Variants in ADCY7 observed in about 807,000 individuals in gnomAD.
ADCY7 encodes the protein adenylate cyclase type 7.
In ADCY7, 72 loss-of-function variants were observed where a neutral mutation model predicts 120.6. That is an observed-to-expected ratio of 0.60 (90% CI 0.49 to 0.73). The LOEUF (loss-of-function observed/expected upper bound fraction) is 0.73, where lower values mean the gene tolerates loss of function less well. ADCY7 is among the 30% of genes least tolerant of loss of function. The probability of loss-of-function intolerance (pLI) is 0.00; values close to 1 mark genes in which losing one functional copy is unlikely to be tolerated. For synonymous variants in ADCY7, 661 were observed against 628.0 expected (o/e 1.05, Z -0.78); for missense variants, 1,227 against 1,486.0 (o/e 0.83, Z 2.87).
chr16:50,268,396 C>T (rs948076567), intron 1 of ADCY7, among the ~76,000 whole-genome samples: 18 of 152,128 alleles, frequency 1.2e-4, no homozygotes, highest in African/African-American at 4.1e-4. Flanking sequence ...TGAGCCACCA[C>T]CCCCAGCCTC....
chr16:50,303,084 C>T (rs2035837793), intron 10 of ADCY7, among the ~76,000 whole-genome samples: 1 of 152,198 alleles, frequency 6.6e-6, no homozygotes, highest in African/African-American at 2.4e-5. Flanking sequence ...TTATTTGTTT[C>T]TCAGGGGGCT....
rs557798839 is a variant in ADCY7, at chr16:50,280,530, G to A, written c.-268-7382G>A. On this transcript the variant is annotated intron_variant, in intron 1 of 25. Transcript: ENST00000673801. ...CTTCTCTAGTTCTTTCAGTTGTGAAGTTAGGTTGTTAATTTGAGATCTTTC... is the reference window on the plus strand; with the variant it reads ...CTTCTCTAGTTCTTTCAGTTGTGAAATTAGGTTGTTAATTTGAGATCTTTC... Among the ~76,000 whole-genome samples, 8 of 152,244 alleles carry A rather than the reference G, an allele frequency of 5.3e-5. No homozygotes were observed. In the East Asian group the frequency reaches 7.7e-4, roughly 15 times the overall value.
Position 50,311,816 on chromosome 16 carries a change from AAGCTCTGC to A in ADCY7, c.2448+31_2448+38del. ...GGAGGCTGGCCCCCCCCCCCCCCCC[AAGCTCTGC>A]CCACTTTTCCTCACCTCCATCTGGA... On this transcript the variant is annotated intron_variant, in intron 20 of 25. Coordinates refer to ENST00000673801, the MANE Select transcript of ADCY7 (RefSeq NM_001114.5). The A allele has an allele frequency of 3.5e-6, 4 of 1,137,278 alleles. No individual in the cohort carries two copies. The East Asian group carries it at 1.3e-4, about 38-fold the overall frequency. 70.4% of individuals were successfully genotyped at this position (1,137,278 alleles called of 1,614,324 possible).
chr16:50,254,597 A>G (rs991209041), intron 1 of ADCY7, among the ~76,000 whole-genome samples: 2 of 152,240 alleles, frequency 1.3e-5, no homozygotes, highest in Admixed American at 6.5e-5. Context: ...GCTGAAATCT[A>G]TAAAACAATG....
chr16:50,266,837 C>A (rs1413036844), intron 1 of ADCY7, among the ~76,000 whole-genome samples, 157 bp downstream of exon 1: 1 of 151,984 alleles, frequency 6.6e-6, no homozygotes, highest in African/African-American at 2.4e-5. Flanking sequence ...GCTCCGTGAG[C>A]CTACTGGGCA....
Position 50,311,798 on chromosome 16 carries a change from G to GGCC in ADCY7, c.2448+13_2448+15dup, listed in dbSNP as rs1555525891. The stretch of plus-strand genomic sequence containing the variant: ...CACTCTCCAGACAGGTAAGGAGGCT[G>GGCC]GCCCCCCCCCCCCCCCCAAGCTCTG... On this transcript the variant is annotated intron_variant, in intron 20 of 25. Transcript: ENST00000673801. 7.5e-7 allele frequency: 1 copy of GGCC among 1,331,294 alleles called. No homozygotes were observed. The highest frequency in any genetic ancestry group is 2.7e-5 in the East Asian group (1 of 36,556). The allele number at this position is 1,331,294 out of a possible 1,614,324, so 82.5% of individuals were successfully genotyped here.
chr16:50,253,403 C>G (rs2032816680), intron 1 of ADCY7, among the ~76,000 whole-genome samples: 1 of 152,166 alleles, frequency 6.6e-6, no homozygotes, highest in African/African-American at 2.4e-5. Context: ...AGATGTGTGC[C>G]ACCATGCCCG....
chr16:50,283,110 A>T (rs1405257357), intron 1 of ADCY7, among the ~76,000 whole-genome samples: 1 of 152,162 alleles, frequency 6.6e-6, no homozygotes, highest in Non-Finnish European at 1.5e-5. Context: ...GTTGACTCTG[A>T]ACCCACTGAG....
At chr16:50,255,402 G>GAAAAAAAAAAA (rs60335173) in intron 1 of ADCY7, among the ~76,000 whole-genome samples, 4 of 108,132 alleles carry the variant, frequency 3.7e-5, no homozygotes, top group African/African-American at 1.5e-4. Context: ...TCTGTTTCTG[G>GAAAAAAAAAAA]AAAAAAAAAA....
rs759832775 is a variant in ADCY7 at position 50,312,932 on chromosome 16, G to A, written c.2647G>A (p.Ala883Thr). ...CTATGACTGCGTCTGTGTCATGTTTGCCTCCGTGCCGGACTTCAAAGTGTT... is the reference window on the plus strand; with the variant it reads ...CTATGACTGCGTCTGTGTCATGTTTACCTCCGTGCCGGACTTCAAAGTGTT... Reference protein sequence around the residue: ...QSYDCVCVMFASVPDFKVFYT... With the variant: ...QSYDCVCVMFTSVPDFKVFYT... The change falls in exon 22 of 26, where the codon GCC becomes ACC. Residue 883 changes from alanine (A) to threonine (T), a missense_variant. By Grantham distance (58) the Ala-to-Thr change is moderately conservative. Coordinates refer to ENST00000673801, the MANE Select transcript of ADCY7 (RefSeq NM_001114.5). 1.9e-6 allele frequency: 3 copies of A among 1,614,166 alleles called. No homozygotes were observed. In the Admixed American group the frequency reaches 5.0e-5, roughly 27 times the overall value.
chr16:50,257,856 C>T (rs1359861484), intron 1 of ADCY7, among the ~76,000 whole-genome samples: 1 of 151,892 alleles, frequency 6.6e-6, no homozygotes, highest in Non-Finnish European at 1.5e-5. Context: ...GATCCTCCCA[C>T]CTCAGCCTCC....
intron 18 of ADCY7, chr16:50,310,332 C>A: frequency 1.2e-6 from 1 of 838,106 alleles, no homozygotes; most frequent in East Asian, 2.7e-5. Context: ...TGGGGAGCCA[C>A]AGCACAATCT....
chr16:50,245,582 G>A (rs2032554944), upstream of ADCY7, among the ~76,000 whole-genome samples: 1 of 152,134 alleles, frequency 6.6e-6, no homozygotes, highest in Non-Finnish European at 1.5e-5. Flanking sequence ...CCTACTTTCT[G>A]AGGACACCTA....
chr16:50,274,515 G>T (rs951767447), intron 1 of ADCY7, among the ~76,000 whole-genome samples: 2 of 152,090 alleles, frequency 1.3e-5, no homozygotes, highest in South Asian at 2.1e-4. Flanking sequence ...GCGGTTTCAC[G>T]AGGCAGTCCC....
chr16:50,311,950 G>C, intron 20 of ADCY7, 86 bp from the exon 21 acceptor site: 1 of 1,580,712 alleles, frequency 6.3e-7, no homozygotes, highest in Non-Finnish European at 8.6e-7. Context: ...AGGACGCCAG[G>C]GACAGACAGA....
chr16:50,315,198 G>A, intron 25 of ADCY7, 60 bp downstream of exon 25: 1 of 1,597,080 alleles, frequency 6.3e-7, no homozygotes, highest in African/African-American at 1.3e-5. Context: ...AGAGGTGAGG[G>A]GACTTGGACT....
chr16:50,293,103 C>A (rs1765971544), intron 5 of ADCY7, among the ~76,000 whole-genome samples: 1 of 152,130 alleles, frequency 6.6e-6, no homozygotes, highest in Non-Finnish European at 1.5e-5. Flanking sequence ...GCTTAGCCTC[C>A]CCAGCTGAAA....
At chr16:50,294,083 G>T (rs1228797246) in intron 6 of ADCY7, among the ~76,000 whole-genome samples, 1 of 152,192 alleles carries the variant, frequency 6.6e-6, no homozygotes, top group Non-Finnish European at 1.5e-5. Context: ...CTGGGCTGTG[G>T]ATGGTCCATG....
intron 12 of ADCY7, among the ~76,000 whole-genome samples, chr16:50,305,280 G>A (rs1162658396): frequency 1.3e-5 from 2 of 152,204 alleles, no homozygotes; most frequent in Non-Finnish European, 2.9e-5. Flanking sequence ...TTAGACTGGG[G>A]CTCGGGTCTG....
Sources: allele counts gnomAD v4.1 joint callset (sites outside exome capture counted in the v4.1 genomes callset), GRCh38; gene constraint gnomAD v4.1.1; transcripts MANE v1.5; gene names NCBI Gene and HGNC (gene_info 2026-07-23, HGNC 2026-07-21).